ATP2C1: variants seen among roughly 807,000 people sequenced by gnomAD.
ATP2C1 encodes ATPase secretory pathway Ca2+ transporting 1.
ATP2C1 carries 31 observed loss-of-function variants against 120.5 expected under a neutral mutation model. The ratio of observed to expected loss-of-function variants is 0.26; its 90% CI spans 0.19 to 0.35. The LOEUF is 0.35. Among genes scored for constraint, ATP2C1 ranks in the 10% least tolerant of loss-of-function variants. The pLI, the probability that ATP2C1 is intolerant of heterozygous loss-of-function variation, is 1.00. For synonymous variants in ATP2C1, 351 were observed against 358.7 expected (o/e 0.98, Z 0.24); for missense variants, 731 against 1,107.5 (o/e 0.66, Z 4.83).
intron 2 of ATP2C1, among the ~76,000 whole-genome samples, chr3:130,902,375 A>G: frequency 7.9e-6 from 1 of 126,400 alleles, no homozygotes; most frequent in East Asian, 2.3e-4. Flanking sequence ...TATAATCTTA[A>G]TGCTTTTCTC....
intron 1 of ATP2C1, among the ~76,000 whole-genome samples, chr3:130,879,426 A>G (rs2068712812): frequency 6.6e-6 from 1 of 152,036 alleles, no homozygotes. Flanking sequence ...TTTTTCATTC[A>G]GATCCTGAAT....
chr3:130,946,356 A>G (rs959463091), intron 8 of ATP2C1, among the ~76,000 whole-genome samples: 1 of 152,202 alleles, frequency 6.6e-6, no homozygotes, highest in African/African-American at 2.4e-5. Flanking sequence ...AGTTTGGCTC[A>G]GTGAGTAGTT....
chr3:130,894,426 G>C lies in ATP2C1; in HGVS notation c.-181+89G>C, dbSNP rs769016391. On this transcript the variant is annotated intron_variant, in intron 1 of 27. Transcript: ENST00000510168. The surrounding 1 kb of genome is among the most constrained non-coding windows in gnomAD (Gnocchi z 4.5). ...GGTTCGGGTATCCCCTGGATGGGGG[G>C]GCATCTCTAGGGCGCCGCCCCGCTG... 1.6e-6 allele frequency: 2 copies of C among 1,267,164 alleles called. No homozygotes were observed. The highest frequency in any genetic ancestry group is 1.7e-5 in the South Asian group (1 of 57,612). The allele number at this position is 1,267,164 out of a possible 1,614,324, so 78.5% of individuals were successfully genotyped here.
chr3:130,940,905 A>ATTT (rs749879416), intron 7 of ATP2C1, among the ~76,000 whole-genome samples: 1,553 of 86,066 alleles, frequency 0.018, 190 homozygotes, highest in African/African-American at 0.027. Context: ...TATTTAACAG[A>ATTT]TTTTTTTTTT....
chr3:130,922,187 G>A (rs2059001286), intron 2 of ATP2C1, among the ~76,000 whole-genome samples: 1 of 152,020 alleles, frequency 6.6e-6, no homozygotes. Context: ...TTTAATCTAG[G>A]AGAGTTTTAT....
chr3:130,937,362 T>G (rs370827728), intron 5 of ATP2C1, 66 bp from the exon 6 acceptor site: 5 of 1,378,010 alleles, frequency 3.6e-6, no homozygotes, highest in Middle Eastern at 2.1e-4. Flanking sequence ...GTTAGAAAAA[T>G]AAAATACAGT....
rs530910679 is a variant in ATP2C1, at chr3:130,959,123, C to T, written c.833-152C>T. 26 of 607,604 alleles carry T rather than the reference C, an allele frequency of 4.3e-5. No homozygotes were observed. The African/African-American group carries it at 4.6e-4, about 11-fold the overall frequency. The allele number at this position is 607,604 out of a possible 1,614,324, so 37.6% of individuals were successfully genotyped here. On this transcript the variant is annotated intron_variant, in intron 11 of 27. Coordinates refer to ENST00000510168, the MANE Select transcript of ATP2C1 (RefSeq NM_001378687.1). ...TTAAGCAGTGTTAACTTTAACCTCCCCTGTTTAATGGATTTTTATAAAATC... is the reference window on the plus strand; with the variant it reads ...TTAAGCAGTGTTAACTTTAACCTCCTCTGTTTAATGGATTTTTATAAAATC...
chr3:130,996,409 G>T, intron 23 of ATP2C1: 1 of 577,876 alleles, frequency 1.7e-6, no homozygotes, highest in South Asian at 2.1e-5. Context: ...AAGGGGTATT[G>T]TGTAGTCAAA....
chr3:130,923,412 G>A (rs1243406157), intron 2 of ATP2C1, among the ~76,000 whole-genome samples: 1 of 151,838 alleles, frequency 6.6e-6, no homozygotes, highest in Non-Finnish European at 1.5e-5. Flanking sequence ...ATTTTTAGTA[G>A]AAACGAGTTT....
intron 18 of ATP2C1, among the ~76,000 whole-genome samples, chr3:130,977,967 A>T (rs575346954): frequency 2.0e-5 from 3 of 152,216 alleles, no homozygotes; most frequent in African/African-American, 7.2e-5. Context: ...AAGTTTACCT[A>T]TCCTTGACTC....
chr3:130,949,728 G>A (rs559488223), intron 8 of ATP2C1, among the ~76,000 whole-genome samples: 162 of 151,486 alleles, frequency 1.1e-3, no homozygotes, highest in African/African-American at 3.7e-3. Flanking sequence ...TCAGTAATAC[G>A]TAACATAACA....
At chr3:130,945,593 C>T (rs778768835) in intron 8 of ATP2C1, among the ~76,000 whole-genome samples, 12 of 147,866 alleles carry the variant, frequency 8.1e-5, no homozygotes, top group African/African-American at 1.2e-4. Flanking sequence ...TCAATTCCCA[C>T]GTATGAGTGA....
chr3:130,857,993 T>G (rs949622794), intron 1 of ATP2C1, among the ~76,000 whole-genome samples: 1 of 152,026 alleles, frequency 6.6e-6, no homozygotes, highest in Non-Finnish European at 1.5e-5. Context: ...TGGTGTTAAG[T>G]CCAAGAGTCC....
At chr3:131,003,309 T>G, downstream of ATP2C1, 1 of 340,386 alleles carries the variant, frequency 2.9e-6, no homozygotes, top group Non-Finnish European at 4.2e-6. Flanking sequence ...GATTGCAATT[T>G]TCCATAATAT....
intron 26 of ATP2C1, chr3:131,014,411 T>C (rs775137336): frequency 6.5e-7 from 1 of 1,539,376 alleles, no homozygotes; most frequent in African/African-American, 1.4e-5. Context: ...GAAAAAAGTA[T>C]GTTGTTAAAG....
At chr3:130,933,521 C>T (rs2059540187) in intron 4 of ATP2C1, among the ~76,000 whole-genome samples, 1 of 152,172 alleles carries the variant, frequency 6.6e-6, no homozygotes, top group South Asian at 2.1e-4. Flanking sequence ...ATTAAGGTGA[C>T]ACACAGATGC....
At chr3:130,966,361 A>G (rs1004699675) in intron 14 of ATP2C1, among the ~76,000 whole-genome samples, 1 of 152,188 alleles carries the variant, frequency 6.6e-6, no homozygotes, top group African/African-American at 2.4e-5. Flanking sequence ...AGGTCATGCT[A>G]TATGTAATGC....
chr3:130,938,594 A>G (rs1478500018), intron 6 of ATP2C1, among the ~76,000 whole-genome samples: 3 of 152,238 alleles, frequency 2.0e-5, no homozygotes, highest in African/African-American at 4.8e-5. Context: ...TTAGTAGACT[A>G]TCAGGGTTCC....
intron 5 of ATP2C1, among the ~76,000 whole-genome samples, chr3:130,936,895 A>G (rs2059698760): frequency 6.6e-6 from 1 of 151,574 alleles, no homozygotes; most frequent in Non-Finnish European, 1.5e-5. Context: ...CCGTATCTGT[A>G]TGGGGCTGGA....
Sources: allele counts gnomAD v4.1 joint callset (sites outside exome capture counted in the v4.1 genomes callset), GRCh38; gene constraint gnomAD v4.1.1; non-coding constraint Gnocchi (gnomAD v3.1); transcripts MANE v1.5; gene names NCBI Gene and HGNC (gene_info 2026-07-23, HGNC 2026-07-21).